The following ABL1 variants were observed in gnomAD, a reference collection of about 807,000 sequenced individuals.
ABL1 encodes ABL proto-oncogene 1, non-receptor tyrosine kinase, also known as tyrosine-protein kinase ABL1.
Under a neutral mutation model 94.7 loss-of-function variants are expected in ABL1, and 11 were observed. That is an observed-to-expected ratio of 0.12 (90% CI 0.07 to 0.19). The LOEUF (loss-of-function observed/expected upper bound fraction) is 0.19. Among genes scored for constraint, ABL1 ranks in the 10% least tolerant of loss-of-function variants. ABL1 has a pLI of 1.00. For synonymous variants in ABL1, 656 were observed against 622.4 expected (o/e 1.05, Z -0.80); for missense variants, 1,082 against 1,489.4 (o/e 0.73, Z 4.50).
intron 1 of ABL1, among the ~76,000 whole-genome samples, chr9:130,793,384 A>G (rs1245193845): frequency 1.3e-5 from 2 of 152,144 alleles, no homozygotes; most frequent in Admixed American, 6.5e-5. Context: ...TTTCTTCCGC[A>G]TACATATTGT....
At chr9:130,763,853 T>G (rs1229061856) in intron 1 of ABL1, among the ~76,000 whole-genome samples, 1 of 151,984 alleles carries the variant, frequency 6.6e-6, no homozygotes, top group Non-Finnish European at 1.5e-5. Context: ...TCAGCAAATG[T>G]GCCGGGAATC....
At chr9:130,741,319 T>C (rs549263933) in intron 1 of ABL1, among the ~76,000 whole-genome samples, 2 of 152,258 alleles carry the variant, frequency 1.3e-5, no homozygotes, top group African/African-American at 2.4e-5. Flanking sequence ...GTTACGGCAC[T>C]GATGCACCAG....
At chr9:130,727,761 CCCA>C (rs1831607111) in intron 1 of ABL1, among the ~76,000 whole-genome samples, 2 of 136,172 alleles carry the variant, frequency 1.5e-5, no homozygotes, top group African/African-American at 3.1e-5. Flanking sequence ...GCCCCCCCCC[CCCA>C]AAAAAAAGCA....
chr9:130,810,530 C>CTCAA (rs1830194550), intron 1 of ABL1, among the ~76,000 whole-genome samples: 1 of 151,602 alleles, frequency 6.6e-6, no homozygotes, highest in African/African-American at 2.4e-5. Flanking sequence ...GAAAAATACA[C>CTCAA]TGAAGACTGT....
rs780256520 is a variant in ABL1, at chr9:130,737,573, G to A, written c.136+23118G>A. 6.3e-4 allele frequency among the ~76,000 whole-genome samples: 96 copies of A among 152,000 alleles called. 1 individual carries two copies. The highest frequency in any genetic ancestry group is 1.8e-4 in the Non-Finnish European group (12 of 67,978). ...TGTGAGCCACCACACCCAGCCACCT[G>A]GACATGTTTAAAGAACCCAGTACCT... On this transcript the variant is annotated intron_variant, in intron 1 of 10. Coordinates refer to the ABL1 transcript ENST00000372348.
intron 4 of ABL1, among the ~76,000 whole-genome samples, chr9:130,864,842 C>T (rs774284647): frequency 1.4e-4 from 22 of 152,148 alleles, no homozygotes; most frequent in Non-Finnish European, 3.1e-4. Flanking sequence ...CTGAGAATGG[C>T]CTAGATTTCA....
intron 3 of ABL1, 56 bp downstream of exon 3, chr9:130,855,152 C>T: frequency 1.3e-6 from 2 of 1,529,840 alleles, no homozygotes; most frequent in East Asian, 2.3e-5. Context: ...AACCAGAGGT[C>T]CTGCTGTCGG....
At chr9:130,796,911 A>C (rs1290366394) in intron 1 of ABL1, among the ~76,000 whole-genome samples, 7 of 122,038 alleles carry the variant, frequency 5.7e-5, no homozygotes, top group African/African-American at 2.6e-4. Context: ...CAAGAGCGAA[A>C]CTTCATCTCA....
rs534150832 is a variant in ABL1, at chr9:130,844,114, C to T, written c.79+8589C>T. ...TGGGAGACAGGGCCACCTCCCAAGC[C>T]CATGCTCTCTTCTGCCTCTCGGCTG... On this transcript the variant is annotated intron_variant, in intron 1 of 10. Coordinates refer to ENST00000318560, the MANE Select transcript of ABL1 (RefSeq NM_005157.6). Among the ~76,000 whole-genome samples the T allele has an allele frequency of 4.0e-4, 61 of 152,276 alleles. 1 individual carries two copies. The South Asian group carries it at 0.012, about 31-fold the overall frequency.
chr9:130,789,830 A>G (rs992270931), intron 1 of ABL1, among the ~76,000 whole-genome samples: 5 of 152,248 alleles, frequency 3.3e-5, no homozygotes, highest in Admixed American at 6.5e-5. Flanking sequence ...AGAAACCAGA[A>G]TTAGTGAACT....
At chr9:130,788,245 G>A (rs1300711914) in intron 1 of ABL1, among the ~76,000 whole-genome samples, 15 of 152,134 alleles carry the variant, frequency 9.9e-5, no homozygotes, top group Admixed American at 9.8e-4. Flanking sequence ...TACAAGAATA[G>A]TACAGAGAAT....
At chr9:130,808,853 T>C (rs1285181801) in intron 1 of ABL1, among the ~76,000 whole-genome samples, 1 of 152,216 alleles carries the variant, frequency 6.6e-6, no homozygotes, top group African/African-American at 2.4e-5. Flanking sequence ...AGATTTACCC[T>C]GTCACCTGAA....
intron 1 of ABL1, among the ~76,000 whole-genome samples, chr9:130,800,078 TG>T (rs1253447162): frequency 1.3e-5 from 2 of 152,016 alleles, no homozygotes; most frequent in African/African-American, 2.4e-5. Flanking sequence ...TTCACCATCT[TG>T]GTCAGGCTGG....
chr9:130,784,376 T>TA (rs942279123), intron 1 of ABL1, among the ~76,000 whole-genome samples: 34 of 152,342 alleles, frequency 2.2e-4, no homozygotes, highest in East Asian at 7.7e-4. Flanking sequence ...TTACAGCATT[T>TA]AAAAAAATCA....
At chr9:130,774,937 C>T (rs1286668954) in intron 1 of ABL1, among the ~76,000 whole-genome samples, 1 of 152,106 alleles carries the variant, frequency 6.6e-6, no homozygotes, top group Non-Finnish European at 1.5e-5. Context: ...GAGAAAGAAA[C>T]TTGTCTGATT....
chr9:130,765,591 A>G (rs1466635209), intron 1 of ABL1, among the ~76,000 whole-genome samples: 2 of 152,192 alleles, frequency 1.3e-5, no homozygotes, highest in African/African-American at 2.4e-5. Flanking sequence ...CCCTTCTGGA[A>G]GGTCTACTGG....
intron 1 of ABL1, among the ~76,000 whole-genome samples, chr9:130,756,033 G>A (rs867973852): frequency 6.6e-6 from 1 of 152,168 alleles, no homozygotes; most frequent in Admixed American, 6.6e-5. Context: ...TAGCATAGTA[G>A]ATGGCCCCTT....
At chr9:130,842,090 A>G (rs2132930418) in intron 1 of ABL1, among the ~76,000 whole-genome samples, 1 of 141,238 alleles carries the variant, frequency 7.1e-6, no homozygotes, top group African/African-American at 2.5e-5. Context: ...ACAAAGAGGA[A>G]TAGGATGGCC....
intron 1 of ABL1, among the ~76,000 whole-genome samples, chr9:130,745,836 C>T (rs533320056): frequency 3.2e-4 from 48 of 152,120 alleles, no homozygotes; most frequent in African/African-American, 1.2e-3. Flanking sequence ...GTACCCCTAC[C>T]AAATTGAAGA....
Sources: allele counts gnomAD v4.1 joint callset (sites outside exome capture counted in the v4.1 genomes callset), GRCh38; gene constraint gnomAD v4.1.1; transcripts MANE v1.5; gene names NCBI Gene and HGNC (gene_info 2026-07-23, HGNC 2026-07-21).